The following NRG3 variants were observed in gnomAD, a reference collection of about 807,000 sequenced individuals.
NRG3 encodes the protein pro-neuregulin-3, membrane-bound isoform.
A neutral mutation model predicts 66.9 loss-of-function variants in NRG3; 31 were observed. The observed-to-expected ratio is 0.46, with a 90% CI of 0.35 to 0.63. The LOEUF is 0.63. Among genes scored for constraint, NRG3 ranks in the 20% least tolerant of loss-of-function variants. The probability of loss-of-function intolerance (pLI) is 0.00; values close to 1 mark genes in which losing one functional copy is unlikely to be tolerated. For missense variants in NRG3, 910 were observed against 878.9 expected (o/e 1.04, Z -0.45); for synonymous variants, 393 against 359.4 (o/e 1.09, Z -1.06).
intron 5 of NRG3, 151 bp from the exon 6 acceptor site, chr10:82,958,798 G>T (rs1398436917): frequency 2.4e-6 from 2 of 829,798 alleles, no homozygotes; most frequent in East Asian, 2.9e-5. Flanking sequence ...TTTCTGGTGG[G>T]GTTGGAAATG....
chr10:82,593,276 C>T (rs1273678761), intron 2 of NRG3, among the ~76,000 whole-genome samples: 1 of 152,116 alleles, frequency 6.6e-6, no homozygotes, highest in Non-Finnish European at 1.5e-5. Context: ...GGGGCTGGAC[C>T]AAAGCCTTGC....
At chr10:82,490,973 T>C (rs1389198736) in intron 2 of NRG3, among the ~76,000 whole-genome samples, 1 of 152,122 alleles carries the variant, frequency 6.6e-6, no homozygotes, top group South Asian at 2.1e-4. Flanking sequence ...TGTCCCGTTA[T>C]GTCATTCCCA....
At chr10:82,048,306 G>A (rs1174467961) in intron 1 of NRG3, among the ~76,000 whole-genome samples, 1 of 151,136 alleles carries the variant, frequency 6.6e-6, no homozygotes, top group African/African-American at 2.4e-5. Flanking sequence ...ATTTTTTTCA[G>A]CACCACACCA....
chr10:82,875,657 C>T (rs1413464431), intron 4 of NRG3, among the ~76,000 whole-genome samples: 1 of 152,036 alleles, frequency 6.6e-6, no homozygotes, highest in Non-Finnish European at 1.5e-5. Flanking sequence ...CGTGCCTGGC[C>T]CACTCTCTCC....
At chr10:82,075,638 A>G (rs1421495074) in intron 1 of NRG3, among the ~76,000 whole-genome samples, 1 of 152,118 alleles carries the variant, frequency 6.6e-6, no homozygotes, top group Non-Finnish European at 1.5e-5. Context: ...ATTAAAAACT[A>G]CCTTATAGCT....
intron 2 of NRG3, among the ~76,000 whole-genome samples, chr10:82,391,452 C>A (rs2086358939): frequency 1.3e-5 from 2 of 152,138 alleles, no homozygotes; most frequent in African/African-American, 4.8e-5. Flanking sequence ...AGCTCTGCAC[C>A]TGGCCACATT....
intron 1 of NRG3, among the ~76,000 whole-genome samples, chr10:82,201,008 C>T (rs942591723): frequency 1.2e-4 from 18 of 151,850 alleles, no homozygotes; most frequent in Non-Finnish European, 2.4e-4. Flanking sequence ...CCAGCCTGGC[C>T]AACATGGTGA....
rs749215001 is a variant in NRG3, at chr10:82,368,775, G to C, written c.953+9907G>C. On this transcript the variant is annotated intron_variant, in intron 2 of 8. Coordinates refer to ENST00000372141, the MANE Select transcript of NRG3 (RefSeq NM_001010848.4). ...TCACCAAATTTATTTTAAAAATTAA[G>C]AACATATCCATAAATATTATTTTAG... Among the ~76,000 whole-genome samples, 4 of 138,742 alleles carry C rather than the reference G, an allele frequency of 2.9e-5. 1 individual carries two copies. The highest frequency in any genetic ancestry group is 1.0e-4 in the African/African-American group (3 of 30,040). 91.0% of individuals were successfully genotyped at this position (138,742 alleles called of 152,430 possible). A position where few individuals can be genotyped will look rare whatever the true frequency, so the allele number is the denominator to read the frequency against.
At chr10:82,079,272 A>G (rs1420167927) in intron 1 of NRG3, among the ~76,000 whole-genome samples, 5 of 151,894 alleles carry the variant, frequency 3.3e-5, no homozygotes, top group Non-Finnish European at 7.4e-5. Context: ...CTCGAACTCC[A>G]GGTGATCCAC....
intron 4 of NRG3, among the ~76,000 whole-genome samples, chr10:82,875,531 A>AT (rs1564592096): frequency 2.0e-5 from 3 of 151,882 alleles, no homozygotes; most frequent in Non-Finnish European, 2.9e-5. Flanking sequence ...CTAATTTTTT[A>AT]TTTTTTTGTA....
chr10:82,214,875 A>G (rs138016913), intron 1 of NRG3, among the ~76,000 whole-genome samples: 161 of 152,280 alleles, frequency 1.1e-3, no homozygotes, highest in Middle Eastern at 3.4e-3. Context: ...TGAACAAAGG[A>G]GAGCAGGGAA....
Position 82,354,135 on chromosome 10 carries a change from G to A in NRG3, c.824-4604G>A, listed in dbSNP as rs970826382. 5.4e-5 allele frequency among the ~76,000 whole-genome samples: 8 copies of A among 148,710 alleles called. No homozygotes were observed. The East Asian group carries it at 8.1e-4, about 15-fold the overall frequency. On this transcript the variant is annotated intron_variant, in intron 1 of 8. Transcript: ENST00000372141. ...CTGCAACCTCGACCTCCTGGGCTCA[G>A]GTGATCCTCCCACCTCAGCCTTCTG...
intron 1 of NRG3, among the ~76,000 whole-genome samples, chr10:82,028,586 C>T (rs571058587): frequency 1.3e-5 from 2 of 152,084 alleles, no homozygotes; most frequent in South Asian, 2.1e-4. Flanking sequence ...ATGATAGAAA[C>T]GCTTTGGGCT....
chr10:82,764,999 A>C (rs553145837), intron 3 of NRG3, among the ~76,000 whole-genome samples: 52 of 152,192 alleles, frequency 3.4e-4, no homozygotes, highest in Non-Finnish European at 6.2e-4. Flanking sequence ...GTATGATCCA[A>C]TATCAAATTA....
intron 1 of NRG3, among the ~76,000 whole-genome samples, chr10:82,264,409 C>A (rs2078191142): frequency 6.6e-6 from 1 of 152,246 alleles, no homozygotes; most frequent in African/African-American, 2.4e-5. Flanking sequence ...CTGCGACCCC[C>A]ACTCCCGCCC....
intron 2 of NRG3, among the ~76,000 whole-genome samples, chr10:82,576,146 C>A (rs1009089210): frequency 6.6e-6 from 1 of 151,636 alleles, no homozygotes. Context: ...TTTCAGACAT[C>A]TTTTTCTCCT....
chr10:82,465,203 T>G (rs1407131730), intron 2 of NRG3, among the ~76,000 whole-genome samples: 1 of 152,228 alleles, frequency 6.6e-6, no homozygotes, highest in Non-Finnish European at 1.5e-5. Flanking sequence ...GCTAGGATCT[T>G]AATTAGGCTC....
intron 2 of NRG3, among the ~76,000 whole-genome samples, chr10:82,518,402 G>A (rs1197843718): frequency 2.0e-5 from 3 of 152,078 alleles, no homozygotes; most frequent in Admixed American, 6.6e-5. Flanking sequence ...CAAAGGAGGC[G>A]AAATCCATGC....
At chr10:82,461,671 CAAG>C (rs2091521627) in intron 2 of NRG3, among the ~76,000 whole-genome samples, 1 of 152,006 alleles carries the variant, frequency 6.6e-6, no homozygotes, top group South Asian at 2.1e-4. Context: ...CGTGAGAAAA[CAAG>C]GAGAACTTTT....
Sources: allele counts gnomAD v4.1 joint callset (sites outside exome capture counted in the v4.1 genomes callset), GRCh38; gene constraint gnomAD v4.1.1; transcripts MANE v1.5; gene names NCBI Gene and HGNC (gene_info 2026-07-23, HGNC 2026-07-21).